The following UGT1A3 variants were observed in gnomAD, a reference collection of about 807,000 sequenced individuals.
The protein encoded by UGT1A3 is UDP-glucuronosyltransferase 1A3.
Under a neutral mutation model 41.0 loss-of-function variants are expected in UGT1A3, and 31 were observed. The observed-to-expected ratio is 0.76, with a 90% CI of 0.57 to 1.02. The LOEUF is 1.02. UGT1A3 is among the 50% of genes least tolerant of loss of function. The pLI is 0.00. For missense variants in UGT1A3, 737 were observed against 671.0 expected (o/e 1.10, Z -1.09); for synonymous variants, 262 against 257.6 (o/e 1.02, Z -0.17).
intron 1 of UGT1A3, chr2:233,743,560 C>A: frequency 7.3e-7 from 1 of 1,367,302 alleles, no homozygotes; most frequent in South Asian, 1.1e-5. Flanking sequence ...AAATATTCTC[C>A]AGCGGGTTTC....
chr2:233,756,137 T>C (rs776575222), intron 1 of UGT1A3: 2 of 152,178 alleles, frequency 1.3e-5, no homozygotes, highest in Non-Finnish European at 2.9e-5. Context: ...TCCTGAAAAA[T>C]TACTGGGGAT....
chr2:233,740,208 A>G (rs1691334030), intron 1 of UGT1A3, among the ~76,000 whole-genome samples: 1 of 151,862 alleles, frequency 6.6e-6, no homozygotes, highest in Admixed American at 6.5e-5. Flanking sequence ...TAAATTACCC[A>G]GTCTCAGCTG....
chr2:233,755,320 T>A, intron 1 of UGT1A3: 1 of 508,264 alleles, frequency 2.0e-6, no homozygotes, highest in Non-Finnish European at 3.2e-6. Context: ...GCGGCAAGGC[T>A]GCCAGCACCC....
At chr2:233,767,621 C>T (rs149525417) in intron 2 of UGT1A3, among the ~76,000 whole-genome samples, 1 of 152,276 alleles carries the variant, frequency 6.6e-6, no homozygotes, top group African/African-American at 2.4e-5. Flanking sequence ...AAGTGCACAG[C>T]TTGATAAATT....
intron 1 of UGT1A3, among the ~76,000 whole-genome samples, chr2:233,745,365 T>C (rs1693089556): frequency 6.6e-6 from 1 of 151,880 alleles, no homozygotes; most frequent in Admixed American, 6.5e-5. Flanking sequence ...TTTTTTGAGA[T>C]CTGAGTTCTC....
chr2:233,740,284 G>T (rs932768125), intron 1 of UGT1A3, among the ~76,000 whole-genome samples: 1 of 151,852 alleles, frequency 6.6e-6, no homozygotes, highest in Non-Finnish European at 1.5e-5. Flanking sequence ...ATACTGAAAG[G>T]GTTTAAAGGA....
At position 233,765,222 on chromosome 2, in the gene UGT1A3, C is replaced by A. The variant is rs528641835; in HGVS notation, c.868-1812C>A. On this transcript the variant is annotated intron_variant, in intron 1 of 4. Transcript: ENST00000482026. ...TAGTGCCCTCAGTATTCTTTGCAAA[C>A]ATAAAACCATAGACTCAGTAATCCC... Among the ~76,000 whole-genome samples, 51 of 152,262 alleles carry A rather than the reference C, an allele frequency of 3.3e-4. 1 individual carries two copies. The South Asian group carries it at 4.4e-3, about 13-fold the overall frequency.
chr2:233,753,976 G>A (rs531716097), intron 1 of UGT1A3, among the ~76,000 whole-genome samples: 12 of 152,206 alleles, frequency 7.9e-5, no homozygotes, highest in Non-Finnish European at 1.6e-4. Flanking sequence ...AACGTGTGTT[G>A]TTTTAAGCCA....
chr2:233,747,954 C>T (rs1693821442), intron 1 of UGT1A3: 2 of 1,613,446 alleles, frequency 1.2e-6, no homozygotes, highest in Non-Finnish European at 8.5e-7. Flanking sequence ...AGTGGTGGAT[C>T]TTCTCAGCCA....
chr2:233,733,236 C>T (rs982888781), intron 1 of UGT1A3, among the ~76,000 whole-genome samples: 9 of 152,278 alleles, frequency 5.9e-5, no homozygotes, highest in African/African-American at 2.2e-4. Context: ...TCTAAATATA[C>T]AATCATGTCA....
chr2:233,754,059 A>G (rs973727066), intron 1 of UGT1A3, among the ~76,000 whole-genome samples: 4 of 152,238 alleles, frequency 2.6e-5, no homozygotes, highest in Admixed American at 1.3e-4. Context: ...ACCTGCTTTT[A>G]TAAAGCCTGG....
chr2:233,738,553 G>C (rs890940493), intron 1 of UGT1A3, among the ~76,000 whole-genome samples: 2 of 152,228 alleles, frequency 1.3e-5, no homozygotes, highest in African/African-American at 2.4e-5. Context: ...CTCAGATAGA[G>C]ATGAGGAATC....
At chr2:233,760,556 A>G (rs1285506084) in intron 1 of UGT1A3, 1 of 1,614,220 alleles carries the variant, frequency 6.2e-7, no homozygotes, top group Admixed American at 1.7e-5. Context: ...GATGTGAAAG[A>G]GTCTTTTGTT....
intron 1 of UGT1A3, among the ~76,000 whole-genome samples, chr2:233,738,514 T>A (rs1690809776): frequency 6.6e-6 from 1 of 152,156 alleles, no homozygotes; most frequent in Admixed American, 6.5e-5. Context: ...ATGCTGATAA[T>A]GTTGTGGACA....
At chr2:233,768,494 T>A in intron 4 of UGT1A3, 55 bp downstream of exon 4, 1 of 1,575,098 alleles carries the variant, frequency 6.3e-7, no homozygotes, top group Non-Finnish European at 8.6e-7. Context: ...GATAAAATTG[T>A]TTCAAATATG....
intron 4 of UGT1A3, 126 bp from the exon 5 acceptor site, chr2:233,772,136 A>G (rs1700469037): frequency 6.5e-7 from 1 of 1,547,408 alleles, no homozygotes; most frequent in Non-Finnish European, 8.7e-7. Flanking sequence ...AACAACAATA[A>G]TAGAAACAGG....
intron 2 of UGT1A3, 25 bp from the exon 3 acceptor site, chr2:233,767,822 ACG>A (rs756893991): frequency 6.2e-7 from 1 of 1,614,064 alleles, no homozygotes. Flanking sequence ...TTCTTTCTTT[ACG>A]TTCTGCTCTT....
chr2:233,757,545 T>TAC (rs1696610377), intron 1 of UGT1A3, among the ~76,000 whole-genome samples: 1 of 65,910 alleles, frequency 1.5e-5, no homozygotes, highest in African/African-American at 6.3e-5. Flanking sequence ...AATATATATA[T>TAC]ATATATATAT....
chr2:233,733,388 G>A (rs1393287938), intron 1 of UGT1A3, among the ~76,000 whole-genome samples: 2 of 152,180 alleles, frequency 1.3e-5, no homozygotes. Flanking sequence ...TTTTGTGCCA[G>A]TTTTCAAAGG....
Sources: gnomAD v4.1 joint callset for allele counts (sites outside exome capture counted in the v4.1 genomes callset) on GRCh38, gnomAD v4.1.1 for gene constraint, MANE v1.5 for transcripts, NCBI Gene and HGNC (gene_info 2026-07-23, HGNC 2026-07-21) for gene names.